The following PARD3B variants were observed in gnomAD, a reference collection of about 807,000 sequenced individuals.
PARD3B encodes par-3 family cell polarity regulator beta.
PARD3B carries 103 observed loss-of-function variants against 130.2 expected under a neutral mutation model. That is an observed-to-expected ratio of 0.79 (90% confidence interval 0.67 to 0.93). The LOEUF is 0.93. PARD3B is among the 40% of genes least tolerant of loss of function. The pLI, the probability that PARD3B is intolerant of heterozygous loss-of-function variation, is 0.00. For synonymous variants in PARD3B, 583 were observed against 553.2 expected (o/e 1.05, Z -0.76); for missense variants, 1,609 against 1,499.2 (o/e 1.07, Z -1.21).
chr2:205,601,574 G>A (rs764266553), intron 22 of PARD3B, among the ~76,000 whole-genome samples: 5 of 152,150 alleles, frequency 3.3e-5, no homozygotes, highest in Non-Finnish European at 7.4e-5. Context: ...ATCTTTGCCT[G>A]TGCCTATGTC....
At chr2:205,178,095 C>T (rs1339549537) in intron 13 of PARD3B, among the ~76,000 whole-genome samples, 4 of 119,234 alleles carry the variant, frequency 3.4e-5, no homozygotes, top group South Asian at 2.8e-4. Context: ...CACCTAAGGT[C>T]GGAAGTTCGA....
chr2:205,243,038 T>C (rs1342383864), intron 15 of PARD3B, among the ~76,000 whole-genome samples: 1 of 152,090 alleles, frequency 6.6e-6, no homozygotes, highest in Non-Finnish European at 1.5e-5. Flanking sequence ...TGGTGGCACA[T>C]GCCTGTAATC....
chr2:204,643,407 T>C (rs1483547249), intron 1 of PARD3B, among the ~76,000 whole-genome samples: 1 of 152,136 alleles, frequency 6.6e-6, no homozygotes, highest in East Asian at 1.9e-4. Flanking sequence ...ATAAACATTA[T>C]TTTTTGAATA....
intron 20 of PARD3B, among the ~76,000 whole-genome samples, chr2:205,444,886 A>T (rs1043995963): frequency 1.3e-4 from 20 of 152,228 alleles, no homozygotes; most frequent in African/African-American, 4.8e-4. Flanking sequence ...AGAGGGCTTT[A>T]GATTTGGCCA....
At chr2:205,005,403 A>G (rs1467914021) in intron 3 of PARD3B, among the ~76,000 whole-genome samples, 1 of 152,178 alleles carries the variant, frequency 6.6e-6, no homozygotes, top group Non-Finnish European at 1.5e-5. Flanking sequence ...AAATTGAGAA[A>G]TAAGTATTAA....
At chr2:204,727,898 GT>G (rs1251911281) in intron 2 of PARD3B, among the ~76,000 whole-genome samples, 5 of 152,150 alleles carry the variant, frequency 3.3e-5, no homozygotes, top group Non-Finnish European at 5.9e-5. Context: ...AGACCACTCA[GT>G]GGTCAGTGGT....
In PARD3B at chr2:205,265,829, A is replaced by T. The variant is rs2040482107; in HGVS notation, c.2185+20007A>T. Reference sequence around the variant, plus strand: ...TGAATTTTATCAAATACATATTTTTAAATTAAATGGGCTATCAAGTAGAGT... The same window carrying T: ...TGAATTTTATCAAATACATATTTTTTAATTAAATGGGCTATCAAGTAGAGT... On this transcript the variant is annotated intron_variant, in intron 16 of 22. Coordinates refer to ENST00000406610, the MANE Select transcript of PARD3B (RefSeq NM_001302769.2). This position sits in a 1 kb window ranked among gnomAD's most constrained non-coding sequence, Gnocchi z 4.3. 6.6e-6 allele frequency among the ~76,000 whole-genome samples: 1 copy of T among 152,030 alleles called. No individual in the cohort carries two copies. The highest frequency in any genetic ancestry group is 2.4e-5 in the African/African-American group (1 of 41,444).
chr2:204,803,157 A>AT lies in PARD3B; in HGVS notation c.222+116875_222+116876insT, dbSNP rs1414932505. 8.5e-4 allele frequency among the ~76,000 whole-genome samples: 116 copies of AT among 137,254 alleles called. No homozygotes were observed. In the Middle Eastern group the frequency reaches 0.012, roughly 14 times the overall value. The allele number at this position is 137,254 out of a possible 152,430, so 90.0% of individuals were successfully genotyped here. A position where few individuals can be genotyped will look rare whatever the true frequency, so the allele number is the denominator to read the frequency against. On this transcript the variant is annotated intron_variant, in intron 2 of 22. Coordinates refer to ENST00000406610, the MANE Select transcript of PARD3B (RefSeq NM_001302769.2). ...AAAGTGCTGAAGGAAAAAAAAAAAA[A>AT]AAAAAAATATATATATATATATATA...
At chr2:204,661,938 G>T (rs2035824983) in intron 1 of PARD3B, among the ~76,000 whole-genome samples, 1 of 152,094 alleles carries the variant, frequency 6.6e-6, no homozygotes, top group Non-Finnish European at 1.5e-5. Context: ...GAAAAGAAAG[G>T]ATCATTTTAA....
intron 13 of PARD3B, among the ~76,000 whole-genome samples, chr2:205,178,682 A>G (rs2035622918): frequency 6.6e-6 from 1 of 152,182 alleles, no homozygotes; most frequent in African/African-American, 2.4e-5. Flanking sequence ...GTGTCTGTCT[A>G]AGTCTAGAGT....
intron 2 of PARD3B, among the ~76,000 whole-genome samples, chr2:204,789,032 T>C (rs2042109438): frequency 6.6e-6 from 1 of 152,160 alleles, no homozygotes; most frequent in African/African-American, 2.4e-5. Flanking sequence ...TGTTCTATTA[T>C]TAAATGGAAT....
intron 6 of PARD3B, among the ~76,000 whole-genome samples, chr2:205,114,192 C>A (rs565196326): frequency 6.6e-6 from 1 of 152,008 alleles, no homozygotes; most frequent in African/African-American, 2.4e-5. Context: ...CATTGTAGAT[C>A]GTATCAACAC....
rs976841990 is a variant in PARD3B, at chr2:204,887,331, A to G, written c.223-77821A>G. ...GGAAGCTGAGTCACTTGCCACCTGC[A>G]TATATCTTTGTTTAAAAAGCATTAG... On this transcript the variant is annotated intron_variant, in intron 2 of 22. Transcript: ENST00000406610. The surrounding 1 kb of genome is among the most constrained non-coding windows in gnomAD (Gnocchi z 4.2). 3.9e-5 allele frequency among the ~76,000 whole-genome samples: 6 copies of G among 152,308 alleles called. No homozygotes were observed. Among genetic ancestry groups the G allele is most frequent in the African/African-American group, 1.2e-4 (5 of 41,574 alleles).
At chr2:204,643,131 A>AAAAAAAAAAAAAAAAAAAAAAAC (rs2035148868) in intron 1 of PARD3B, among the ~76,000 whole-genome samples, 1 of 145,190 alleles carries the variant, frequency 6.9e-6, no homozygotes. Flanking sequence ...AAAAAAAAAA[A>AAAAAAAAAAAAAAAAAAAAAAAC]AAAAATGTTT....
At chr2:205,417,148 C>A (rs1252087296) in intron 19 of PARD3B, among the ~76,000 whole-genome samples, 1 of 140,198 alleles carries the variant, frequency 7.1e-6, no homozygotes, top group East Asian at 2.1e-4. Context: ...TCTTACTGTT[C>A]AATTCCCACC....
chr2:205,084,860 A>G lies in PARD3B; in HGVS notation c.505-19566A>G, dbSNP rs1701645578. 2.0e-5 allele frequency among the ~76,000 whole-genome samples: 3 copies of G among 151,924 alleles called. No individual in the cohort carries two copies. The South Asian group carries it at 6.2e-4, about 31-fold the overall frequency. On this transcript the variant is annotated intron_variant, in intron 4 of 22. Transcript: ENST00000406610. Reference sequence around the variant, plus strand: ...TTTTTCTCTATATGTTCCTTTCCTTATAAGAATAAATAATAAACTTTTTCT... The same window carrying G: ...TTTTTCTCTATATGTTCCTTTCCTTGTAAGAATAAATAATAAACTTTTTCT...
chr2:205,471,780 C>G (rs147313285), intron 20 of PARD3B, among the ~76,000 whole-genome samples: 2 of 152,118 alleles, frequency 1.3e-5, no homozygotes, highest in African/African-American at 2.4e-5. Context: ...GTTTACATGC[C>G]ACATGACATG....
rs201322890 is a variant in PARD3B, at chr2:205,472,963, A to AAATG, written c.3045-26916_3045-26913dup. On this transcript the variant is annotated intron_variant, in intron 20 of 22. Coordinates refer to ENST00000406610, the MANE Select transcript of PARD3B (RefSeq NM_001302769.2). ...AGGACCAATAAATAAGTGAATGAATAAATGAATGAATGAATGAATGGAAAG... is the reference window on the plus strand; with the variant it reads ...AGGACCAATAAATAAGTGAATGAATAAATGAATGAATGAATGAATGAATGGAAAG... Among the ~76,000 whole-genome samples the AAATG allele has an allele frequency of 2.5e-4, 38 of 152,058 alleles. 1 individual carries two copies. The South Asian group carries it at 3.5e-3, about 14-fold the overall frequency.
intron 1 of PARD3B, among the ~76,000 whole-genome samples, chr2:204,662,983 T>G (rs1401620787): frequency 6.6e-6 from 1 of 152,216 alleles, no homozygotes; most frequent in Non-Finnish European, 1.5e-5. Flanking sequence ...ACTCTCATAC[T>G]GTAACCCCAT....
Sources: allele counts gnomAD v4.1 joint callset (sites outside exome capture counted in the v4.1 genomes callset), GRCh38; gene constraint gnomAD v4.1.1; non-coding constraint Gnocchi (gnomAD v3.1); transcripts MANE v1.5; gene names NCBI Gene and HGNC (gene_info 2026-07-23, HGNC 2026-07-21).